The following MAGI2 variants were observed in gnomAD, a reference collection of about 807,000 sequenced individuals.
The protein encoded by MAGI2 is membrane-associated guanylate kinase, WW and PDZ domain-containing protein 2.
A neutral mutation model predicts 133.3 loss-of-function variants in MAGI2; 35 were observed. The ratio of observed to expected loss-of-function variants is 0.26; its 90% CI spans 0.20 to 0.35. The LOEUF is 0.35. MAGI2 is among the 10% of genes least tolerant of loss of function. The pLI, the probability that MAGI2 is intolerant of heterozygous loss-of-function variation, is 1.00. For missense variants in MAGI2, 1,636 were observed against 1,863.4 expected (o/e 0.88, Z 2.25); for synonymous variants, 729 against 710.6 (o/e 1.03, Z -0.41).
chr7:78,681,672 C>A (rs890709324), intron 2 of MAGI2, among the ~76,000 whole-genome samples: 1 of 151,940 alleles, frequency 6.6e-6, no homozygotes, highest in African/African-American at 2.4e-5. Context: ...AGGAAGGAGA[C>A]CTGGGGAGAA....
chr7:78,389,698 GC>G, intron 6 of MAGI2, among the ~76,000 whole-genome samples: 1 of 119,320 alleles, frequency 8.4e-6, no homozygotes, highest in East Asian at 2.0e-4. Context: ...TTTGCTGTTT[GC>G]CCCGCATTTC....
intron 3 of MAGI2, among the ~76,000 whole-genome samples, chr7:78,573,861 C>G (rs1801994490): frequency 2.0e-5 from 3 of 152,066 alleles, no homozygotes; most frequent in Non-Finnish European, 4.4e-5. Context: ...CCTCCAGTTT[C>G]TTTCATGAAG....
intron 1 of MAGI2, among the ~76,000 whole-genome samples, chr7:79,422,467 A>T (rs1452372601): frequency 2.0e-5 from 3 of 152,058 alleles, no homozygotes; most frequent in Non-Finnish European, 4.4e-5. Flanking sequence ...TATAATATCA[A>T]ACAATATATC....
chr7:78,536,736 GT>G (rs1027981881), intron 3 of MAGI2, among the ~76,000 whole-genome samples: 14 of 138,402 alleles, frequency 1.0e-4, no homozygotes, highest in East Asian at 6.6e-4. Flanking sequence ...AATTTCAATA[GT>G]TTTTTTTTTG....
chr7:78,334,663 T>C (rs1562842811), intron 9 of MAGI2, among the ~76,000 whole-genome samples: 2 of 152,028 alleles, frequency 1.3e-5, no homozygotes, highest in African/African-American at 2.4e-5. Context: ...AGCTGTACAG[T>C]AGGTGAGAAA....
At chr7:79,341,530 G>A (rs1840904080) in intron 1 of MAGI2, among the ~76,000 whole-genome samples, 1 of 152,122 alleles carries the variant, frequency 6.6e-6, no homozygotes, top group East Asian at 1.9e-4. Context: ...GGTGCAAAGA[G>A]GGCTTTACCA....
At chr7:78,704,871 A>C (rs1585140536) in intron 2 of MAGI2, among the ~76,000 whole-genome samples, 1 of 145,506 alleles carries the variant, frequency 6.9e-6, no homozygotes, top group Non-Finnish European at 1.5e-5. Context: ...ACCTCTGAGG[A>C]GGCCATTATT....
chr7:79,049,577 C>A (rs1317700131), intron 1 of MAGI2, among the ~76,000 whole-genome samples: 1 of 151,942 alleles, frequency 6.6e-6, no homozygotes, highest in Non-Finnish European at 1.5e-5. Context: ...ACATCTGTAT[C>A]TATTTAATAA....
At chr7:78,559,072 C>A (rs1299118937) in intron 3 of MAGI2, among the ~76,000 whole-genome samples, 1 of 125,404 alleles carries the variant, frequency 8.0e-6, no homozygotes, top group African/African-American at 3.0e-5. Context: ...AAGTTATTAC[C>A]CAGAATATAT....
intron 1 of MAGI2, among the ~76,000 whole-genome samples, chr7:79,063,251 C>T (rs1005008737): frequency 3.9e-5 from 6 of 152,010 alleles, no homozygotes; most frequent in Non-Finnish European, 8.8e-5. Context: ...ATGATTCCTT[C>T]GGATTCCAGT....
chr7:79,084,131 T>C (rs1816284832), intron 1 of MAGI2, among the ~76,000 whole-genome samples: 2 of 151,664 alleles, frequency 1.3e-5, no homozygotes, highest in Admixed American at 1.3e-4. Flanking sequence ...TCTCTATTGT[T>C]TTTCTATTAT....
Position 79,390,279 on chromosome 7 carries a change from A to T in MAGI2, c.301+62741T>A, listed in dbSNP as rs149667054. On this transcript the variant is annotated intron_variant, in intron 1 of 21. Coordinates refer to ENST00000354212, the MANE Select transcript of MAGI2 (RefSeq NM_012301.4). ...GGATGGAAGGAGCTGAGCAGAACAAAATCTTCAGGTACAGTATTATTTTTC... is the reference window on the plus strand; with the variant it reads ...GGATGGAAGGAGCTGAGCAGAACAATATCTTCAGGTACAGTATTATTTTTC... 4.6e-4 allele frequency among the ~76,000 whole-genome samples: 70 copies of T among 152,252 alleles called. No homozygotes were observed. In the East Asian group the frequency reaches 0.013, roughly 28 times the overall value.
At chr7:79,425,600 G>GTATATATATATATATATA (rs1847306451) in intron 1 of MAGI2, among the ~76,000 whole-genome samples, 5 of 38,490 alleles carry the variant, frequency 1.3e-4, no homozygotes, top group Non-Finnish European at 2.2e-4. Context: ...ATATATATAT[G>GTATATATATATATATATA]TATATATATG....
intron 9 of MAGI2, among the ~76,000 whole-genome samples, chr7:78,289,526 T>C (rs551544401): frequency 1.2e-4 from 18 of 152,172 alleles, no homozygotes; most frequent in Non-Finnish European, 2.2e-4. Context: ...GAAAACACTC[T>C]TCAGGATATC....
At chr7:78,205,348 T>A (rs1829634393) in intron 10 of MAGI2, among the ~76,000 whole-genome samples, 1 of 151,344 alleles carries the variant, frequency 6.6e-6, no homozygotes, top group South Asian at 2.1e-4. Flanking sequence ...GTCAGGCTGG[T>A]CTCAAACTCC....
chr7:79,017,234 T>C (rs1206933031), intron 1 of MAGI2, among the ~76,000 whole-genome samples: 2 of 152,140 alleles, frequency 1.3e-5, no homozygotes, highest in South Asian at 4.1e-4. Context: ...CTCCAGTGAG[T>C]TAGGTTCCTA....
chr7:78,535,081 G>A (rs775251305), intron 3 of MAGI2, among the ~76,000 whole-genome samples: 21 of 152,070 alleles, frequency 1.4e-4, no homozygotes, highest in African/African-American at 3.6e-4. Flanking sequence ...GCAGTGAGCC[G>A]AGATCGCACC....
intron 21 of MAGI2, among the ~76,000 whole-genome samples, chr7:78,030,903 A>G (rs2151060037): frequency 6.6e-6 from 1 of 152,350 alleles, no homozygotes; most frequent in Middle Eastern, 3.4e-3. Flanking sequence ...AACTGTGTTC[A>G]CACAAAAACC....
At position 79,103,807 on chromosome 7, in the gene MAGI2, CT is replaced by C. The variant is rs1437871967; in HGVS notation, c.302-96602del. Among the ~76,000 whole-genome samples the C allele has an allele frequency of 5.9e-5, 9 of 152,222 alleles. No homozygotes were observed. The East Asian group carries it at 1.7e-3, about 29-fold the overall frequency. On this transcript the variant is annotated intron_variant, in intron 1 of 21. Coordinates refer to ENST00000354212, the MANE Select transcript of MAGI2 (RefSeq NM_012301.4). ...CTCCGCCTCCCGGGTTCACGCCATT[CT>C]ACTGCCTCAGCCTCCCGAGTAGCTG...
Sources: allele counts gnomAD v4.1 joint callset (sites outside exome capture counted in the v4.1 genomes callset), GRCh38; gene constraint gnomAD v4.1.1; transcripts MANE v1.5; gene names NCBI Gene and HGNC (gene_info 2026-07-23, HGNC 2026-07-21).